The following KTN1 variants were observed in gnomAD, a reference collection of about 807,000 sequenced individuals.
KTN1 encodes the protein kinectin 1.
KTN1 carries 130 observed loss-of-function variants against 222.5 expected under a neutral mutation model. The ratio of observed to expected loss-of-function variants is 0.58; its 90% CI spans 0.51 to 0.68. KTN1 has a LOEUF of 0.68. KTN1 is among the 30% of genes least tolerant of loss of function. The probability of loss-of-function intolerance (pLI) is 0.00; values close to 1 mark genes in which losing one functional copy is unlikely to be tolerated. For synonymous variants in KTN1, 512 were observed against 496.3 expected (o/e 1.03, Z -0.42); for missense variants, 1,508 against 1,500.4 (o/e 1.01, Z -0.08).
rs765108978 is a variant in KTN1, at chr14:55,641,218, T to G, written c.2103+10T>G. On this transcript the variant is annotated intron_variant, in intron 17 of 43. Coordinates refer to ENST00000395314, the MANE Select transcript of KTN1 (RefSeq NM_001079521.2). ...AATGGAAGAATTTAAGGTGTGTGAT[T>G]AAGCTTGTACACTCAGGTTTCTTAG... 2 of 1,532,478 alleles carry G rather than the reference T, an allele frequency of 1.3e-6. No individual in the cohort carries two copies. The highest frequency in any genetic ancestry group is 2.2e-5 in the East Asian group (1 of 44,458). 94.9% of individuals were successfully genotyped at this position (1,532,478 alleles called of 1,614,324 possible).
At chr14:55,671,916 T>G (rs770734621) in intron 37 of KTN1, 39 bp downstream of exon 37, 3 of 1,192,736 alleles carry the variant, frequency 2.5e-6, no homozygotes, top group Non-Finnish European at 3.7e-6. Flanking sequence ...TGGTTCTCGA[T>G]GTGTGGGGCT....
chr14:55,628,078 CAA>C, intron 6 of KTN1, 50 bp downstream of exon 6: 2 of 1,122,110 alleles, frequency 1.8e-6, no homozygotes. Context: ...TCAGAAGCAA[CAA>C]AAGATTTTAG....
chr14:55,644,046 TC>T (rs1283656340), intron 18 of KTN1, among the ~76,000 whole-genome samples: 8 of 152,306 alleles, frequency 5.3e-5, no homozygotes, highest in Admixed American at 1.3e-4. Context: ...TTAGAATTGT[TC>T]TTCTGACTCT....
At chr14:55,606,082 GTTTTTTGTTT>G (rs925969293) in intron 1 of KTN1, among the ~76,000 whole-genome samples, 1 of 151,922 alleles carries the variant, frequency 6.6e-6, no homozygotes, top group African/African-American at 2.4e-5. Flanking sequence ...TTTTTTTGTT[GTTTTTTGTTT>G]TTTTTAACCT....
chr14:55,616,805 C>T (rs985021782), intron 3 of KTN1, 151 bp downstream of exon 3: 4 of 615,722 alleles, frequency 6.5e-6, no homozygotes, highest in African/African-American at 5.6e-5. Flanking sequence ...TTATCTTTAG[C>T]CTTATGACTT....
intron 9 of KTN1, 32 bp downstream of exon 9, chr14:55,634,690 A>T: frequency 6.3e-7 from 1 of 1,588,022 alleles, no homozygotes; most frequent in Non-Finnish European, 8.6e-7. Flanking sequence ...TTGTCATTTC[A>T]TGAATAATAT....
chr14:55,661,936 G>T, intron 32 of KTN1: 2 of 173,240 alleles, frequency 1.2e-5, no homozygotes, highest in Non-Finnish European at 2.4e-5. Context: ...TTTTCAGCTT[G>T]GTATTTTAAA....
chr14:55,633,144 T>TTTTTATATTCTCA (rs2040726400), intron 7 of KTN1, 91 bp from the exon 8 acceptor site: 2 of 556,100 alleles, frequency 3.6e-6, no homozygotes, highest in Middle Eastern at 3.7e-4. Context: ...CTATTGATGT[T>TTTTTATATTCTCA]TTTTATATTC....
intron 18 of KTN1, chr14:55,644,224 C>A: frequency 5.8e-4 from 225 of 386,008 alleles, no homozygotes; most frequent in Middle Eastern, 1.3e-3. Context: ...ATCTTAATTT[C>A]TGTCATTTCC....
chr14:55,603,467 A>G (rs2036269797), intron 1 of KTN1, among the ~76,000 whole-genome samples: 1 of 152,196 alleles, frequency 6.6e-6, no homozygotes, highest in African/African-American at 2.4e-5. Flanking sequence ...CCATTTGACA[A>G]AATTGGTCCG....
chr14:55,603,331 T>C (rs77990307), intron 1 of KTN1, among the ~76,000 whole-genome samples: 11,684 of 152,274 alleles, frequency 0.077, 496 homozygotes, highest in South Asian at 0.12. Context: ...CTTCTAACTT[T>C]TAAATTCATT....
intron 35 of KTN1, among the ~76,000 whole-genome samples, 171 bp downstream of exon 35, chr14:55,670,980 G>A (rs1367395051): frequency 6.6e-6 from 1 of 152,126 alleles, no homozygotes; most frequent in Non-Finnish European, 1.5e-5. Context: ...ACAGTAAGTT[G>A]TCTTTGCATT....
At chr14:55,650,306 A>T (rs766256068) in intron 22 of KTN1, 22 bp from the exon 23 acceptor site, 1 of 1,507,312 alleles carries the variant, frequency 6.6e-7, no homozygotes, top group Middle Eastern at 1.7e-4. Flanking sequence ...TAATCAAATT[A>T]TACTGCATTT....
chr14:55,620,508 A>T (rs1337978207), intron 5 of KTN1, among the ~76,000 whole-genome samples: 1 of 152,208 alleles, frequency 6.6e-6, no homozygotes, highest in Non-Finnish European at 1.5e-5. Context: ...GTGTTTCCAT[A>T]CATCCTCTGA....
intron 31 of KTN1, among the ~76,000 whole-genome samples, chr14:55,660,703 G>T (rs990671662): frequency 1.1e-4 from 17 of 152,130 alleles, no homozygotes; most frequent in Admixed American, 7.2e-4. Context: ...AATATTTTCT[G>T]TAAAGGCCCT....
intron 16 of KTN1, 61 bp from the exon 17 acceptor site, chr14:55,641,066 A>C: frequency 6.8e-7 from 1 of 1,478,842 alleles, no homozygotes; most frequent in Non-Finnish European, 9.4e-7. Context: ...AGTTGTGCCC[A>C]TAATTCTTGT....
intron 33 of KTN1, among the ~76,000 whole-genome samples, chr14:55,666,758 T>G (rs528512686): frequency 3.9e-4 from 60 of 152,088 alleles, no homozygotes; most frequent in African/African-American, 1.4e-3. Context: ...CACATGACCT[T>G]GAAGTTGGAA....
intron 32 of KTN1, among the ~76,000 whole-genome samples, chr14:55,662,149 C>G (rs529079157): frequency 6.6e-6 from 1 of 150,396 alleles, no homozygotes; most frequent in African/African-American, 2.5e-5. Context: ...TCACTGCAAA[C>G]TCGGCCTCCT....
chr14:55,620,127 TTAAAGCTCCAA>T (rs2038942450), intron 5 of KTN1, among the ~76,000 whole-genome samples: 1 of 152,206 alleles, frequency 6.6e-6, no homozygotes, highest in African/African-American at 2.4e-5. Flanking sequence ...CAGTCAAATC[TTAAAGCTCCAA>T]TATGATCTCC....
Sources: allele counts gnomAD v4.1 joint callset (sites outside exome capture counted in the v4.1 genomes callset), GRCh38; gene constraint gnomAD v4.1.1; transcripts MANE v1.5; gene names NCBI Gene and HGNC (gene_info 2026-07-23, HGNC 2026-07-21).